Variants in CCDC198 observed in about 807,000 individuals in gnomAD.
CCDC198 encodes the protein coiled-coil domain containing 198, also known as factor associated with metabolism and energy.
In CCDC198, 18 loss-of-function variants were observed where a neutral mutation model predicts 35.6. The ratio of observed to expected loss-of-function variants is 0.51; its 90% CI spans 0.35 to 0.75. The LOEUF (loss-of-function observed/expected upper bound fraction) is 0.75, where lower values mean the gene tolerates loss of function less well. Among genes scored for constraint, CCDC198 ranks in the 30% least tolerant of loss-of-function variants. CCDC198 has a pLI of 0.01. For synonymous variants in CCDC198, 119 were observed against 113.4 expected (o/e 1.05, Z -0.31); for missense variants, 365 against 343.7 (o/e 1.06, Z -0.49).
intron 3 of CCDC198, 71 bp from the exon 4 acceptor site, chr14:57,481,731 C>T: frequency 1.1e-6 from 1 of 945,210 alleles, no homozygotes; most frequent in Non-Finnish European, 1.7e-6. Context: ...AGTTTAGATC[C>T]TTTTTGAAAC....
intron 3 of CCDC198, 86 bp from the exon 4 acceptor site, chr14:57,481,746 T>A (rs1865119591): frequency 1.2e-6 from 1 of 848,812 alleles, no homozygotes; most frequent in Admixed American, 2.0e-5. Flanking sequence ...TGAAACAGAG[T>A]CAGATCTTAA....
chr14:57,481,256 A>C (rs1490410772), intron 4 of CCDC198, among the ~76,000 whole-genome samples: 1 of 152,198 alleles, frequency 6.6e-6, no homozygotes, highest in Non-Finnish European at 1.5e-5. Flanking sequence ...TCCTTTCACT[A>C]AACCAAGAAA....
intron 5 of CCDC198, among the ~76,000 whole-genome samples, chr14:57,478,111 C>T (rs916031796): frequency 4.6e-5 from 7 of 152,180 alleles, no homozygotes; most frequent in African/African-American, 1.7e-4. Context: ...TCTATTCTCC[C>T]TTCTCTACAC....
At chr14:57,475,727 A>G (rs1168675204) in intron 5 of CCDC198, 4 of 422,898 alleles carry the variant, frequency 9.5e-6, no homozygotes, top group South Asian at 1.7e-5. Context: ...AAAAAAAGAC[A>G]TCAATTCTAT....
chr14:57,488,046 C>CA (rs1233313113), intron 2 of CCDC198, among the ~76,000 whole-genome samples: 34 of 152,274 alleles, frequency 2.2e-4, no homozygotes, highest in Non-Finnish European at 1.0e-4. Context: ...ATGAGCAAAG[C>CA]TGAGCCGATA....
chr14:57,489,809 C>G (rs915719732), intron 2 of CCDC198, among the ~76,000 whole-genome samples: 4 of 151,964 alleles, frequency 2.6e-5, no homozygotes, highest in African/African-American at 9.7e-5. Flanking sequence ...AACTAATCAG[C>G]TTAGAGGCTT....
intron 3 of CCDC198, among the ~76,000 whole-genome samples, 190 bp downstream of exon 3, chr14:57,482,875 C>T (rs577439339): frequency 6.6e-6 from 1 of 152,294 alleles, no homozygotes; most frequent in South Asian, 2.1e-4. Context: ...TAGCCACTGC[C>T]AGTTGGAGGC....
chr14:57,483,252 C>T, intron 2 of CCDC198, 101 bp from the exon 3 acceptor site: 1 of 1,558,924 alleles, frequency 6.4e-7, no homozygotes, highest in South Asian at 1.2e-5. Flanking sequence ...GCAAAAGCGG[C>T]ACTTATTTCT....
In CCDC198 at chr14:57,483,087, G is replaced by T; in HGVS notation, c.371C>A (p.Ala124Asp). 1 of 1,614,048 alleles carries T rather than the reference G, an allele frequency of 6.2e-7. No individual in the cohort carries two copies. The highest frequency in any genetic ancestry group is 1.1e-5 in the South Asian group (1 of 91,074). The change falls in exon 3 of 6, where the codon GCC becomes GAC. Residue 124 changes from alanine (A) to aspartate (D), a missense_variant. By Grantham distance (126) the Ala-to-Asp change is moderately radical. Transcript: ENST00000216445. ...CACCTTTGCTTTGTGCATTGTCCTGGCTTCTCGCTGGCTCAGGAGTCTTCC... is the reference window on the plus strand; with the variant it reads ...CACCTTTGCTTTGTGCATTGTCCTGTCTTCTCGCTGGCTCAGGAGTCTTCC... ...TSGRLLSQRE[A>D]RTMHKAKQVL...
intron 2 of CCDC198, among the ~76,000 whole-genome samples, chr14:57,483,953 T>C (rs531243686): frequency 1.3e-5 from 2 of 152,350 alleles, no homozygotes; most frequent in East Asian, 3.9e-4. Flanking sequence ...TGGCCCCTCA[T>C]GGAGCTTACA....
At chr14:57,478,620 T>C in intron 5 of CCDC198, 1 of 989,332 alleles carries the variant, frequency 1.0e-6, no homozygotes, top group Non-Finnish European at 1.2e-6. Context: ...TCTCAAGTGA[T>C]GACTCTTAAA....
rs1272388798 is a variant in CCDC198 at position 57,471,309 on chromosome 14, A to T, written c.*46T>A. 7.0e-7 allele frequency: 1 copy of T among 1,426,776 alleles called. No homozygotes were observed. The highest frequency in any genetic ancestry group is 9.7e-7 in the Non-Finnish European group (1 of 1,026,174). 88.4% of individuals were successfully genotyped at this position (1,426,776 alleles called of 1,614,324 possible). A position where few individuals can be genotyped will look rare whatever the true frequency, so the allele number is the denominator to read the frequency against. ...TCAGTTTGGAAGATTTTGAGAGTAA[A>T]ACAAGCTTTCAAAGCACTCAGTTTC... On this transcript the variant is annotated 3_prime_UTR_variant, in exon 6 of 6. Transcript: ENST00000216445.
intron 5 of CCDC198, chr14:57,475,211 A>G: frequency 2.9e-6 from 1 of 348,060 alleles, no homozygotes; most frequent in Non-Finnish European, 4.0e-6. Context: ...CAGTGTGCAG[A>G]GATTGTGCCA....
intron 2 of CCDC198, among the ~76,000 whole-genome samples, chr14:57,484,605 G>T (rs752368561): frequency 6.6e-6 from 1 of 152,186 alleles, no homozygotes; most frequent in Non-Finnish European, 1.5e-5. Context: ...GGACTAAGTT[G>T]TGCCATAGCC....
At chr14:57,488,944 C>T (rs1160950632) in intron 2 of CCDC198, among the ~76,000 whole-genome samples, 1 of 152,140 alleles carries the variant, frequency 6.6e-6, no homozygotes, top group Non-Finnish European at 1.5e-5. Context: ...ATTAGTTCAA[C>T]CATTGTGGAA....
At chr14:57,473,303 A>G (rs2066877938) in intron 5 of CCDC198, among the ~76,000 whole-genome samples, 1 of 152,162 alleles carries the variant, frequency 6.6e-6, no homozygotes, top group African/African-American at 2.4e-5. Context: ...CTAAGCTACA[A>G]AGGACGTTTT....
Position 57,483,128 on chromosome 14 carries a change from T to C in CCDC198, c.330A>G (p.Pro110=). The change falls in exon 3 of 6, where the codon CCA becomes CCG. Residue 110 remains proline, a synonymous_variant. Coordinates refer to ENST00000216445, the MANE Select transcript of CCDC198 (RefSeq NM_018168.4). ...RLQKLEPIDL[P]RVITSGRLLS... is the part of the protein sequence containing the mutation. ...GGAGTCTTCCTGAAGTAATTACTCG[T>C]GGCAAGTCAATGGGTTCAAGCTTCT... 6.2e-7 allele frequency: 1 copy of C among 1,614,066 alleles called. No homozygotes were observed. The highest frequency in any genetic ancestry group is 8.5e-7 in the Non-Finnish European group (1 of 1,179,968).
Position 57,485,586 on chromosome 14 carries a change from C to T in CCDC198, c.307-2435G>A, listed in dbSNP as rs537215683. 5.1e-4 allele frequency among the ~76,000 whole-genome samples: 77 copies of T among 152,314 alleles called. No individual in the cohort carries two copies. The Middle Eastern group carries it at 0.01, about 20-fold the overall frequency. On this transcript the variant is annotated intron_variant, in intron 2 of 5. Transcript: ENST00000216445. The stretch of plus-strand genomic sequence containing the variant: ...AGAGTGGAACCACGGAAGATAGATA[C>T]TGGATATTCAGCACTTGTAATGGGG...
At chr14:57,481,963 A>T (rs909789024) in intron 3 of CCDC198, among the ~76,000 whole-genome samples, 1 of 152,130 alleles carries the variant, frequency 6.6e-6, no homozygotes, top group African/African-American at 2.4e-5. Context: ...TCCTTTGTAA[A>T]CAGATGCTTA....
Sources: allele counts gnomAD v4.1 joint callset (sites outside exome capture counted in the v4.1 genomes callset), GRCh38; gene constraint gnomAD v4.1.1; transcripts MANE v1.5; gene names NCBI Gene and HGNC (gene_info 2026-07-23, HGNC 2026-07-21).